The following UBE2E2 variants were observed in gnomAD, a reference collection of about 807,000 sequenced individuals.
UBE2E2 encodes the protein ubiquitin conjugating enzyme E2 E2.
A neutral mutation model predicts 24.7 loss-of-function variants in UBE2E2; 6 were observed. The observed-to-expected ratio is 0.24, with a 90% CI of 0.13 to 0.48. The LOEUF is 0.48. Among genes scored for constraint, UBE2E2 ranks in the 20% least tolerant of loss-of-function variants. UBE2E2 has a pLI of 0.99. For missense variants in UBE2E2, 169 were observed against 245.0 expected (o/e 0.69, Z 2.07); for synonymous variants, 104 against 83.6 (o/e 1.24, Z -1.33).
intron 3 of UBE2E2, among the ~76,000 whole-genome samples, chr3:23,475,984 T>G (rs776421904): frequency 2.0e-4 from 31 of 152,076 alleles, no homozygotes; most frequent in Non-Finnish European, 4.3e-4. Flanking sequence ...AAGTCAGCAT[T>G]GTGGATTAGT....
At chr3:23,302,669 G>T (rs896722997) in intron 3 of UBE2E2, among the ~76,000 whole-genome samples, 1 of 152,182 alleles carries the variant, frequency 6.6e-6, no homozygotes, top group South Asian at 2.1e-4. Context: ...ATTTGCCCTT[G>T]ATCATATTAT....
At chr3:23,501,078 C>A (rs1340714264) in intron 4 of UBE2E2, among the ~76,000 whole-genome samples, 1 of 151,972 alleles carries the variant, frequency 6.6e-6, no homozygotes, top group Non-Finnish European at 1.5e-5. Flanking sequence ...TACTTTAGAC[C>A]AGCCCTTATG....
chr3:23,509,767 C>T (rs1301437506), intron 4 of UBE2E2, among the ~76,000 whole-genome samples: 1 of 137,588 alleles, frequency 7.3e-6, no homozygotes, highest in Non-Finnish European at 1.6e-5. Context: ...GTGATGTTCC[C>T]CTTCCTGTGT....
At chr3:23,284,589 A>G (rs932102969) in intron 3 of UBE2E2, among the ~76,000 whole-genome samples, 4 of 152,084 alleles carry the variant, frequency 2.6e-5, no homozygotes, top group Non-Finnish European at 5.9e-5. Flanking sequence ...TTAATATCAT[A>G]CATGTCTGTG....
intron 5 of UBE2E2, among the ~76,000 whole-genome samples, chr3:23,586,061 A>T (rs1696619146): frequency 6.6e-6 from 1 of 152,178 alleles, no homozygotes; most frequent in Non-Finnish European, 1.5e-5. Flanking sequence ...TTCAGCAGAG[A>T]TCCATTTTCA....
At chr3:23,512,544 T>C (rs1183163540) in intron 4 of UBE2E2, among the ~76,000 whole-genome samples, 2 of 150,446 alleles carry the variant, frequency 1.3e-5, no homozygotes, top group Admixed American at 6.6e-5. Context: ...CAACCAGCCA[T>C]ACTTTAGGTC....
At chr3:23,541,282 A>G (rs1695391422) in intron 5 of UBE2E2, among the ~76,000 whole-genome samples, 1 of 152,222 alleles carries the variant, frequency 6.6e-6, no homozygotes, top group African/African-American at 2.4e-5. Flanking sequence ...TTCATTCAGT[A>G]TCTAGCCTGG....
chr3:23,440,541 A>G (rs1698282292), intron 3 of UBE2E2, among the ~76,000 whole-genome samples: 1 of 152,254 alleles, frequency 6.6e-6, no homozygotes, highest in Non-Finnish European at 1.5e-5. Context: ...TTTCAGCAAC[A>G]AAAGAGAAAA....
intron 5 of UBE2E2, among the ~76,000 whole-genome samples, chr3:23,575,184 C>A (rs556096334): frequency 7.6e-4 from 115 of 152,250 alleles, no homozygotes; most frequent in African/African-American, 2.7e-3. Flanking sequence ...TGTAGTTTGT[C>A]TTTGGCTAAA....
intron 3 of UBE2E2, among the ~76,000 whole-genome samples, chr3:23,304,404 A>T (rs778461058): frequency 2.6e-5 from 4 of 152,284 alleles, no homozygotes; most frequent in Non-Finnish European, 5.9e-5. Flanking sequence ...GTTGTGTTAG[A>T]ACAGATTTAG....
At chr3:23,281,059 A>G (rs1698480523) in intron 3 of UBE2E2, among the ~76,000 whole-genome samples, 1 of 152,126 alleles carries the variant, frequency 6.6e-6, no homozygotes, top group Non-Finnish European at 1.5e-5. Context: ...CACTAATCCC[A>G]TCGTCAGGGA....
intron 3 of UBE2E2, among the ~76,000 whole-genome samples, chr3:23,299,635 T>A (rs139943289): frequency 0.016 from 2,496 of 152,352 alleles, 28 homozygotes; most frequent in Non-Finnish European, 0.023. Flanking sequence ...TTGATTGCAC[T>A]GTGGTCTGAG....
intron 3 of UBE2E2, among the ~76,000 whole-genome samples, chr3:23,289,124 A>G (rs1021345794): frequency 5.3e-5 from 8 of 152,192 alleles, no homozygotes; most frequent in Admixed American, 3.3e-4. Context: ...GGAGGCTTCT[A>G]TTTGGCCAAC....
chr3:23,556,459 A>T (rs1339853446), intron 5 of UBE2E2, among the ~76,000 whole-genome samples: 1 of 149,844 alleles, frequency 6.7e-6, no homozygotes, highest in Non-Finnish European at 1.5e-5. Context: ...TTATTTAAAA[A>T]AAAAAAAAAA....
At chr3:23,331,873 T>C (rs1005073075) in intron 3 of UBE2E2, among the ~76,000 whole-genome samples, 1 of 152,194 alleles carries the variant, frequency 6.6e-6, no homozygotes, top group Non-Finnish European at 1.5e-5. Flanking sequence ...CATTTGGTCA[T>C]TTGTGTATAC....
chr3:23,334,699 C>T (rs980763290), intron 3 of UBE2E2, among the ~76,000 whole-genome samples: 2 of 152,146 alleles, frequency 1.3e-5, no homozygotes, highest in Non-Finnish European at 2.9e-5. Flanking sequence ...GATGAAAGAT[C>T]AACTGTATTA....
At chr3:23,524,195 A>G (rs1694935373) in intron 4 of UBE2E2, among the ~76,000 whole-genome samples, 1 of 152,208 alleles carries the variant, frequency 6.6e-6, no homozygotes, top group South Asian at 2.1e-4. Context: ...AATTATGTTT[A>G]GAATCAGTTT....
chr3:23,578,299 G>A (rs1472640190), intron 5 of UBE2E2, among the ~76,000 whole-genome samples: 2 of 152,168 alleles, frequency 1.3e-5, no homozygotes, highest in Non-Finnish European at 2.9e-5. Flanking sequence ...TGTCAACATT[G>A]CAGAGAAAAA....
At chr3:23,328,147 G>C (rs1268097120) in intron 3 of UBE2E2, among the ~76,000 whole-genome samples, 1 of 151,918 alleles carries the variant, frequency 6.6e-6, no homozygotes, top group East Asian at 1.9e-4. Flanking sequence ...GATAATTTGC[G>C]ACAATAAAAA....
Sources: allele counts gnomAD v4.1 joint callset (sites outside exome capture counted in the v4.1 genomes callset), GRCh38; gene constraint gnomAD v4.1.1; transcripts MANE v1.5; gene names NCBI Gene and HGNC (gene_info 2026-07-23, HGNC 2026-07-21).